Variants in RABGAP1L observed in about 807,000 individuals in gnomAD.
RABGAP1L encodes RAB GTPase activating protein 1 like.
In RABGAP1L, 63 loss-of-function variants were observed where a neutral mutation model predicts 137.7. The observed-to-expected ratio is 0.46, with a 90% CI of 0.37 to 0.56. RABGAP1L has a LOEUF of 0.56. Among genes scored for constraint, RABGAP1L ranks in the 20% least tolerant of loss-of-function variants. RABGAP1L has a pLI of 0.00. For missense variants in RABGAP1L, 1,095 were observed against 1,244.0 expected (o/e 0.88, Z 1.80); for synonymous variants, 431 against 433.7 (o/e 0.99, Z 0.08).
chr1:174,819,570 C>A (rs971836962), intron 19 of RABGAP1L, among the ~76,000 whole-genome samples: 1 of 152,158 alleles, frequency 6.6e-6, no homozygotes, highest in African/African-American at 2.4e-5. Context: ...AGCAAAGGAA[C>A]CTGACCTTGA....
chr1:174,635,190 C>G (rs537339330), intron 13 of RABGAP1L, among the ~76,000 whole-genome samples: 2 of 152,056 alleles, frequency 1.3e-5, no homozygotes, highest in East Asian at 3.9e-4. Flanking sequence ...CAGCATAATG[C>G]TAAATGCATA....
chr1:174,944,098 C>T (rs1223436436), intron 19 of RABGAP1L, among the ~76,000 whole-genome samples: 1 of 151,846 alleles, frequency 6.6e-6, no homozygotes, highest in Non-Finnish European at 1.5e-5. Context: ...TGGCGAAACC[C>T]TGTCTCTACT....
intron 13 of RABGAP1L, among the ~76,000 whole-genome samples, chr1:174,626,751 C>T (rs947433170): frequency 1.6e-4 from 25 of 152,266 alleles, no homozygotes; most frequent in Non-Finnish European, 3.2e-4. Context: ...AGCATGTTTG[C>T]AACTAGAGTA....
At chr1:174,509,045 A>G (rs1013307153) in intron 13 of RABGAP1L, among the ~76,000 whole-genome samples, 1 of 152,232 alleles carries the variant, frequency 6.6e-6, no homozygotes, top group Non-Finnish European at 1.5e-5. Flanking sequence ...GAGTCTATTC[A>G]TGGCAAGGTA....
intron 12 of RABGAP1L, among the ~76,000 whole-genome samples, chr1:174,382,749 C>G (rs1686275881): frequency 6.8e-6 from 1 of 146,254 alleles, no homozygotes. Context: ...CCTCCCGTAG[C>G]TCAGAGTAAT....
chr1:174,200,350 A>C (rs1191460282), intron 1 of RABGAP1L, among the ~76,000 whole-genome samples: 1 of 152,218 alleles, frequency 6.6e-6, no homozygotes, highest in Non-Finnish European at 1.5e-5. Context: ...TCTATTCTTG[A>C]CAGGAAAATT....
At chr1:174,182,981 T>G (rs1035019806) in intron 1 of RABGAP1L, among the ~76,000 whole-genome samples, 2 of 152,254 alleles carry the variant, frequency 1.3e-5, no homozygotes, top group African/African-American at 4.8e-5. Flanking sequence ...GCTATTTCTT[T>G]ATATGCATGT....
intron 13 of RABGAP1L, among the ~76,000 whole-genome samples, chr1:174,399,120 A>G (rs1360564983): frequency 6.6e-6 from 1 of 152,192 alleles, no homozygotes; most frequent in African/African-American, 2.4e-5. Flanking sequence ...TCAAATCATA[A>G]GACTTCTTTG....
rs978880288 is a variant in RABGAP1L, at chr1:174,555,853, A to C, written c.1711-81522A>C. Among the ~76,000 whole-genome samples, 3 of 152,216 alleles carry C rather than the reference A, an allele frequency of 2.0e-5. No individual in the cohort carries two copies. The East Asian group carries it at 5.8e-4, about 29-fold the overall frequency. ...CTATTCTTTTTCAGGAGAAGTGACT[A>C]TGTCAGTTTGTTTGGAGTGCAAAGT... is the stretch of plus-strand genomic sequence containing the variant. On this transcript the variant is annotated intron_variant, in intron 13 of 25. Coordinates refer to ENST00000681986, the MANE Select transcript of RABGAP1L (RefSeq NM_001366446.1).
At chr1:174,504,391 GA>G (rs1436364401) in intron 13 of RABGAP1L, among the ~76,000 whole-genome samples, 1 of 149,060 alleles carries the variant, frequency 6.7e-6, no homozygotes, top group African/African-American at 2.5e-5. Context: ...TTTAGACCCT[GA>G]ATAGCCAAAG....
intron 3 of RABGAP1L, among the ~76,000 whole-genome samples, chr1:174,226,758 T>C (rs1670213518): frequency 1.3e-5 from 2 of 151,586 alleles, no homozygotes; most frequent in Admixed American, 1.3e-4. Flanking sequence ...GCATGGTATA[T>C]ATTTTTCTTT....
At chr1:174,366,268 C>T (rs994126652) in intron 11 of RABGAP1L, among the ~76,000 whole-genome samples, 1 of 152,102 alleles carries the variant, frequency 6.6e-6, no homozygotes, top group African/African-American at 2.4e-5. Flanking sequence ...TACCTAGGAC[C>T]TGAGTTTTGA....
intron 14 of RABGAP1L, among the ~76,000 whole-genome samples, chr1:174,665,520 A>C (rs2148432589): frequency 7.1e-6 from 1 of 141,012 alleles, no homozygotes; most frequent in Non-Finnish European, 1.5e-5. Flanking sequence ...CAGTGGCATG[A>C]TCTCAGCTCA....
At chr1:174,457,227 T>G (rs1255954183) in intron 13 of RABGAP1L, among the ~76,000 whole-genome samples, 1 of 152,206 alleles carries the variant, frequency 6.6e-6, no homozygotes, top group South Asian at 2.1e-4. Context: ...TGAGAAGTTT[T>G]TGAAGTGAAA....
rs552790027 is a variant in RABGAP1L, at chr1:174,902,398, G to A, written c.2341-55059G>A. 5.9e-5 allele frequency among the ~76,000 whole-genome samples: 9 copies of A among 152,322 alleles called. No homozygotes were observed. The South Asian group carries it at 6.2e-4, about 11-fold the overall frequency. ...ATTGGCTGGCTGGGATTCCACGCCA[G>A]TCGGTCTTAACTTGTGAGGTGCTGT... On this transcript the variant is annotated intron_variant, in intron 19 of 25. Coordinates refer to ENST00000681986, the MANE Select transcript of RABGAP1L (RefSeq NM_001366446.1).
At chr1:174,242,285 T>C (rs1175690023) in intron 5 of RABGAP1L, among the ~76,000 whole-genome samples, 2 of 152,204 alleles carry the variant, frequency 1.3e-5, no homozygotes, top group African/African-American at 2.4e-5. Context: ...GGAGAAATGG[T>C]TTAGATTAAA....
intron 13 of RABGAP1L, among the ~76,000 whole-genome samples, chr1:174,597,720 C>G (rs937510882): frequency 6.6e-6 from 1 of 151,920 alleles, no homozygotes; most frequent in South Asian, 2.1e-4. Flanking sequence ...TTTCTCTTTC[C>G]AATTTCATTT....
chr1:174,720,672 C>G (rs550963757), intron 17 of RABGAP1L, among the ~76,000 whole-genome samples: 106 of 152,232 alleles, frequency 7.0e-4, no homozygotes, highest in African/African-American at 2.5e-3. Flanking sequence ...TCACACCCCT[C>G]TCTCCATATA....
In RABGAP1L at chr1:174,577,354, A is replaced by C. The variant is rs562455405; in HGVS notation, c.1711-60021A>C. On this transcript the variant is annotated intron_variant, in intron 13 of 25. Transcript: ENST00000681986. ...ATATATAGTCAATATAAATATGTAC[A>C]TATAGTCAATGGAAGAATTTCCATA... is the stretch of plus-strand genomic sequence containing the variant. Among the ~76,000 whole-genome samples, 453 of 151,782 alleles carry C rather than the reference A, an allele frequency of 3.0e-3. 2 individuals are homozygous for C. Among genetic ancestry groups the C allele is most frequent in the African/African-American group, 5.7e-3 (236 of 41,448 alleles).
Sources: gnomAD v4.1 joint callset for allele counts (sites outside exome capture counted in the v4.1 genomes callset) on GRCh38, gnomAD v4.1.1 for gene constraint, MANE v1.5 for transcripts, NCBI Gene and HGNC (gene_info 2026-07-23, HGNC 2026-07-21) for gene names.